C12orf56: variants seen among roughly 807,000 people sequenced by gnomAD.
The protein encoded by C12orf56 is chromosome 12 open reading frame 56, also known as uncharacterized protein C12orf56.
A neutral mutation model predicts 69.9 loss-of-function variants in C12orf56; 71 were observed. That is an observed-to-expected ratio of 1.02 (90% CI 0.84 to 1.24). The LOEUF (loss-of-function observed/expected upper bound fraction) is 1.24. C12orf56 is among the 50% of genes most tolerant of loss of function. The pLI, the probability that C12orf56 is intolerant of heterozygous loss-of-function variation, is 0.00. For missense variants in C12orf56, 732 were observed against 738.5 expected, an observed-to-expected ratio of 0.99 and a Z score of 0.10; for synonymous variants, 276 against 274.1, an observed-to-expected ratio of 1.01 and a Z score of -0.07.
At chr12:64,367,600 G>A (rs1339249072) in intron 1 of C12orf56, among the ~76,000 whole-genome samples, 1 of 150,702 alleles carries the variant, frequency 6.6e-6, no homozygotes, top group African/African-American at 2.4e-5. Flanking sequence ...TTGCCTCCTG[G>A]GTTCAAGCGA....
intron 6 of C12orf56, among the ~76,000 whole-genome samples, chr12:64,301,363 A>C (rs1220976532): frequency 6.6e-6 from 1 of 152,122 alleles, no homozygotes; most frequent in Non-Finnish European, 1.5e-5. Flanking sequence ...AGAATTAAAC[A>C]AGTTTTACTG....
At chr12:64,308,980 G>GAAAGAAAGAGAGAGAAAGAAAGA (rs1555188292) in intron 5 of C12orf56, among the ~76,000 whole-genome samples, 1 of 121,588 alleles carries the variant, frequency 8.2e-6, no homozygotes, top group African/African-American at 2.9e-5. Flanking sequence ...AGAAAAGAAA[G>GAAAGAAAGAGAGAGAAAGAAAGA]AAAGAAAAGA....
rs1565777201 is a variant in C12orf56 at position 64,366,318 on chromosome 12, T to TTATTATATATTATATACAGTTTATA, written c.253-13287_253-13263dup. 4.4e-5 allele frequency among the ~76,000 whole-genome samples: 3 copies of TTATTATATATTATATACAGTTTATA among 68,180 alleles called. 1 individual carries two copies. The highest frequency in any genetic ancestry group is 1.8e-4 in the African/African-American group (3 of 17,142). The allele number at this position is 68,180 out of a possible 152,430, so 44.7% of individuals were successfully genotyped here. A position where few individuals can be genotyped will look rare whatever the true frequency, so the allele number is the denominator to read the frequency against. ...TTATATATTATATATTATATACAGT[T>TTATTATATATTATATACAGTTTATA]TATTATATATTATATACAGTTTATA... On this transcript the variant is annotated intron_variant, in intron 1 of 12. Coordinates refer to ENST00000543942, the MANE Select transcript of C12orf56 (RefSeq NM_001170633.2).
intron 1 of C12orf56, among the ~76,000 whole-genome samples, chr12:64,374,242 G>A (rs79353557): frequency 0.047 from 7,133 of 152,032 alleles, 558 homozygotes; most frequent in African/African-American, 0.16. Flanking sequence ...TCATTGCCTC[G>A]GGGTCTGGAT....
At chr12:64,350,660 A>G (rs2039210346) in intron 2 of C12orf56, among the ~76,000 whole-genome samples, 1 of 152,190 alleles carries the variant, frequency 6.6e-6, no homozygotes, top group Non-Finnish European at 1.5e-5. Context: ...TTGGGACCTC[A>G]AAAGGAGAGG....
Position 64,336,876 on chromosome 12 carries a change from C to T in C12orf56, c.416-5844G>A, listed in dbSNP as rs116585157. Among the ~76,000 whole-genome samples the T allele has an allele frequency of 5.4e-3, 827 of 152,238 alleles. 6 individuals are homozygous for T. Among genetic ancestry groups the T allele is most frequent in the African/African-American group, 0.019 (793 of 41,540 alleles). ...ATGCTAAAGATTCAATCTTAAGGGC[C>T]GACTTCATTAAGTCAGCCACCCCAG... is the stretch of plus-strand genomic sequence containing the variant. On this transcript the variant is annotated intron_variant, in intron 2 of 12. Transcript: ENST00000543942.
intron 1 of C12orf56, among the ~76,000 whole-genome samples, chr12:64,380,104 C>CAAAAAAAAAA (rs60079906): frequency 1.5e-3 from 77 of 49,968 alleles, no homozygotes; most frequent in Admixed American, 2.4e-3. Context: ...GACTCCGTCG[C>CAAAAAAAAAA]AAAAAAAAAA....
At chr12:64,359,489 T>A (rs2039367123) in intron 1 of C12orf56, among the ~76,000 whole-genome samples, 1 of 152,038 alleles carries the variant, frequency 6.6e-6, no homozygotes, top group Admixed American at 6.6e-5. Context: ...TAAAAAAAAA[T>A]TCAAAAATAA....
At chr12:64,334,630 G>A (rs2038970136) in intron 2 of C12orf56, among the ~76,000 whole-genome samples, 1 of 152,022 alleles carries the variant, frequency 6.6e-6, no homozygotes, top group Non-Finnish European at 1.5e-5. Flanking sequence ...CTTTTTTTTA[G>A]TATGATTTCA....
At chr12:64,321,360 G>T (rs539619047) in intron 3 of C12orf56, among the ~76,000 whole-genome samples, 1 of 152,132 alleles carries the variant, frequency 6.6e-6, no homozygotes. Flanking sequence ...GTTTTGTAGA[G>T]ATGGGGGTCT....
At chr12:64,325,291 G>T (rs1246155307) in intron 3 of C12orf56, among the ~76,000 whole-genome samples, 2 of 151,842 alleles carry the variant, frequency 1.3e-5, no homozygotes, top group Non-Finnish European at 1.5e-5. Flanking sequence ...AGCTACCTAG[G>T]AGGTCGAGGC....
chr12:64,370,989 G>A (rs1394183449), intron 1 of C12orf56, among the ~76,000 whole-genome samples: 1 of 152,092 alleles, frequency 6.6e-6, no homozygotes, highest in Non-Finnish European at 1.5e-5. Flanking sequence ...CATAGAGTGA[G>A]ACCCCATCTC....
At chr12:64,362,539 A>G (rs906024668) in intron 1 of C12orf56, among the ~76,000 whole-genome samples, 1 of 152,096 alleles carries the variant, frequency 6.6e-6, no homozygotes, top group African/African-American at 2.4e-5. Context: ...TAAAAACACA[A>G]AAACTAGCAA....
intron 1 of C12orf56, among the ~76,000 whole-genome samples, chr12:64,386,980 G>A (rs1204878195): frequency 1.3e-5 from 2 of 148,598 alleles, no homozygotes; most frequent in African/African-American, 4.9e-5. Flanking sequence ...TTAGGAGGCT[G>A]AGGTGGGAGA....
chr12:64,371,759 G>GGTA (rs1360121157), intron 1 of C12orf56, among the ~76,000 whole-genome samples: 1 of 152,066 alleles, frequency 6.6e-6, no homozygotes, highest in Non-Finnish European at 1.5e-5. Flanking sequence ...GAATCCAGGA[G>GGTA]GTAGAGGTTG....
In C12orf56 at chr12:64,360,358, G is replaced by A. The variant is rs544341862; in HGVS notation, c.253-7302C>T. 7.2e-5 allele frequency among the ~76,000 whole-genome samples: 11 copies of A among 152,290 alleles called. No homozygotes were observed. The East Asian group carries it at 2.1e-3, about 29-fold the overall frequency. On this transcript the variant is annotated intron_variant, in intron 1 of 12. Coordinates refer to ENST00000543942, the MANE Select transcript of C12orf56 (RefSeq NM_001170633.2). ...GAGAATCGCTTGAACCCGGGAGGTG[G>A]AGGTTGCAGTGAGCCAAGATCATGC... is the stretch of plus-strand genomic sequence containing the variant.
chr12:64,338,126 C>T, intron 2 of C12orf56: 1 of 497,090 alleles, frequency 2.0e-6, no homozygotes, highest in South Asian at 1.7e-5. Flanking sequence ...CAGAAGCTTC[C>T]ACATCACAGC....
At chr12:64,354,432 T>TGC (rs2039278271) in intron 1 of C12orf56, among the ~76,000 whole-genome samples, 1 of 152,034 alleles carries the variant, frequency 6.6e-6, no homozygotes, top group African/African-American at 2.4e-5. Context: ...TAACCCACTC[T>TGC]GAGCAACATA....
At chr12:64,316,239 A>T (rs2038690118) in intron 4 of C12orf56, among the ~76,000 whole-genome samples, 1 of 151,876 alleles carries the variant, frequency 6.6e-6, no homozygotes, top group African/African-American at 2.4e-5. Flanking sequence ...GAGTACATGC[A>T]GGCCATGTTC....
Sources: allele counts gnomAD v4.1 joint callset (sites outside exome capture counted in the v4.1 genomes callset), GRCh38; gene constraint gnomAD v4.1.1; transcripts MANE v1.5; gene names NCBI Gene and HGNC (gene_info 2026-07-23, HGNC 2026-07-21).